Variants in SIRT1 observed in about 807,000 individuals in gnomAD.
SIRT1 encodes NAD-dependent protein deacetylase sirtuin-1.
SIRT1 carries 24 observed loss-of-function variants against 67.9 expected under a neutral mutation model. That is an observed-to-expected ratio of 0.35 (90% CI 0.26 to 0.50). The LOEUF (loss-of-function observed/expected upper bound fraction) is 0.50, where lower values mean the gene tolerates loss of function less well. SIRT1 is among the 20% of genes least tolerant of loss of function. The pLI, the probability that SIRT1 is intolerant of heterozygous loss-of-function variation, is 0.98. For synonymous variants in SIRT1, 378 were observed against 350.7 expected (o/e 1.08, Z -0.87); for missense variants, 873 against 937.2 (o/e 0.93, Z 0.89).
At chr10:67,899,140 G>A (rs34071962) in intron 4 of SIRT1, among the ~76,000 whole-genome samples, 5 of 151,782 alleles carry the variant, frequency 3.3e-5, no homozygotes, top group African/African-American at 1.2e-4. Flanking sequence ...TTGTCGTATT[G>A]CAGCTTGGAA....
Position 67,912,620 on chromosome 10 carries a change from T to C in SIRT1, c.1504T>C (p.Cys502Arg), listed in dbSNP as rs202116390. ...AGGTGGTGAATATGCCAAACTTTGC[T>C]GTAACCCTGTAAAGCTTTCAGAAAT... ...RLGGEYAKLC[C>R]NPVKLSEITE... is the part of the protein sequence containing the mutation. Residue 502 changes from cysteine (C) to arginine (R), a missense_variant, in exon 8 of 9, where the codon TGT (cysteine) becomes CGT (arginine). Physicochemically the swap from Cys to Arg is radical, Grantham distance 180. Around this residue, in one of 3 missense-constraint regions of SIRT1, gnomAD observed 295 missense variants for 294.5 expected, o/e 1.00. Coordinates refer to ENST00000212015, the MANE Select transcript of SIRT1 (RefSeq NM_012238.5). 5.0e-6 allele frequency: 8 copies of C among 1,614,178 alleles called. No individual in the cohort carries two copies. The highest frequency in any genetic ancestry group is 5.9e-6 in the Non-Finnish European group (7 of 1,180,038).
At chr10:67,915,895 AGAT>A (rs564085816) in intron 8 of SIRT1, among the ~76,000 whole-genome samples, 80 of 152,230 alleles carry the variant, frequency 5.3e-4, no homozygotes, top group Non-Finnish European at 1.0e-3. Context: ...TTCATATTCT[AGAT>A]GAGGAAATTG....
Position 67,916,321 on chromosome 10 carries a change from T to C in SIRT1, c.1972T>C (p.Tyr658His), listed in dbSNP as rs984395300. The C allele has an allele frequency of 1.9e-6, 3 of 1,613,456 alleles. No homozygotes were observed. In the African/African-American group the frequency reaches 4.0e-5, roughly 22 times the overall value. ...NRYIFHGAEV[Y>H]SDSEDDVLSS... is the part of the protein sequence containing the mutation. ...TTACATTTTCCATGGCGCTGAGGTA[T>C]ATTCAGACTCTGAAGATGACGTCTT... is the stretch of plus-strand genomic sequence containing the variant. Residue 658 changes from tyrosine to histidine, a missense_variant, in exon 9 of 9, where the codon TAT (tyrosine) becomes CAT (histidine). Transcript: ENST00000212015.
At chr10:67,909,606 C>T (rs975357764) in intron 7 of SIRT1, among the ~76,000 whole-genome samples, 164 bp downstream of exon 7, 2 of 151,976 alleles carry the variant, frequency 1.3e-5, no homozygotes, top group African/African-American at 4.8e-5. Context: ...ATGGAGTTTC[C>T]CTCTTGTTGC....
chr10:67,892,822 G>T (rs769983451), intron 4 of SIRT1, among the ~76,000 whole-genome samples: 4 of 152,142 alleles, frequency 2.6e-5, no homozygotes, highest in Non-Finnish European at 4.4e-5. Context: ...GGCTGGTGTT[G>T]AACTCCTGAC....
chr10:67,899,453 T>C (rs1356436274), intron 4 of SIRT1, among the ~76,000 whole-genome samples: 1 of 151,900 alleles, frequency 6.6e-6, no homozygotes, highest in African/African-American at 2.4e-5. Flanking sequence ...CCCTAATATC[T>C]GTCCTTAATG....
intron 4 of SIRT1, among the ~76,000 whole-genome samples, chr10:67,904,844 CAAAAAA>C (rs34104914): frequency 1.6e-5 from 2 of 127,310 alleles, no homozygotes; most frequent in East Asian, 3.3e-4. Flanking sequence ...AACTCTGTCT[CAAAAAA>C]AAAAAAAAAA....
chr10:67,914,879 ATTT>A (rs11309410), intron 8 of SIRT1, among the ~76,000 whole-genome samples: 45 of 120,340 alleles, frequency 3.7e-4, no homozygotes, highest in Admixed American at 7.5e-4. Context: ...ATGCTCAGCT[ATTT>A]TTTTTTTTTT....
At chr10:67,894,129 T>C (rs1842617511) in intron 4 of SIRT1, among the ~76,000 whole-genome samples, 2 of 152,182 alleles carry the variant, frequency 1.3e-5, no homozygotes, top group African/African-American at 4.8e-5. Context: ...CCACCCCATG[T>C]AACTTTTGTT....
At chr10:67,904,886 T>C (rs1842798375) in intron 4 of SIRT1, among the ~76,000 whole-genome samples, 1 of 150,254 alleles carries the variant, frequency 6.7e-6, no homozygotes, top group African/African-American at 2.4e-5. Flanking sequence ...AAAACAAAAA[T>C]GTCCCTTATG....
In SIRT1 at chr10:67,912,682, T is replaced by G. The variant is rs1439745371; in HGVS notation, c.1566T>G (p.Ala522=). The G allele has an allele frequency of 1.2e-6, 2 of 1,614,126 alleles. No homozygotes were observed. Among genetic ancestry groups the G allele is most frequent in the East Asian group, 4.5e-5 (2 of 44,870 alleles). ...CTCCACGAACACAAAAAGAATTGGC[T>G]TATTTGTCAGAGTTGCCACCCACAC... ...EKPPRTQKEL[A]YLSELPPTPL... Residue 522 remains alanine, a synonymous_variant, in exon 8 of 9, where the codon GCT becomes GCG. Transcript: ENST00000212015.
chr10:67,901,500 C>A (rs141708545), intron 4 of SIRT1, among the ~76,000 whole-genome samples: 244 of 152,234 alleles, frequency 1.6e-3, no homozygotes, highest in African/African-American at 5.7e-3. Flanking sequence ...TAAGGTAGGG[C>A]CTGGTAGTAA....
intron 8 of SIRT1, among the ~76,000 whole-genome samples, chr10:67,913,620 T>G (rs958256155): frequency 6.6e-6 from 1 of 152,196 alleles, no homozygotes. Flanking sequence ...ACATGCATAG[T>G]CTTTATCAAT....
chr10:67,887,637 C>T lies in SIRT1; in HGVS notation c.547+104C>T, dbSNP rs1233269978. 2.6e-5 allele frequency: 18 copies of T among 703,208 alleles called. No homozygotes were observed. In the East Asian group the frequency reaches 3.2e-4, roughly 12 times the overall value. The allele number at this position is 703,208 out of a possible 1,614,324, so 43.6% of individuals were successfully genotyped here. On this transcript the variant is annotated intron_variant, in intron 2 of 8. Coordinates refer to ENST00000212015, the MANE Select transcript of SIRT1 (RefSeq NM_012238.5). ...TGTTGCGGAGGCTGGAGTGCAATGG[C>T]GCGATCTCGGCTCACCGTACCCTCC...
intron 4 of SIRT1, among the ~76,000 whole-genome samples, chr10:67,903,098 G>A (rs1414661264): frequency 6.6e-6 from 1 of 151,884 alleles, no homozygotes; most frequent in Non-Finnish European, 1.5e-5. Flanking sequence ...CAAAAAAAAA[G>A]GTGGGTGTGA....
chr10:67,915,339 T>G (rs369575853), intron 8 of SIRT1, among the ~76,000 whole-genome samples: 2 of 152,222 alleles, frequency 1.3e-5, no homozygotes, highest in East Asian at 1.9e-4. Flanking sequence ...ATACTGTGAA[T>G]TCAAGGATAG....
chr10:67,901,962 A>AT (rs1313478585), intron 4 of SIRT1, among the ~76,000 whole-genome samples: 3 of 151,474 alleles, frequency 2.0e-5, no homozygotes, highest in African/African-American at 7.3e-5. Flanking sequence ...TACTCTTAAT[A>AT]ATTTTCAGGT....
intron 1 of SIRT1, among the ~76,000 whole-genome samples, 155 bp from the exon 2 acceptor site, chr10:67,887,262 C>G (rs1293855736): frequency 6.6e-6 from 1 of 152,128 alleles, no homozygotes; most frequent in East Asian, 1.9e-4. Context: ...GAAACTGTTC[C>G]AATGAACAGT....
At chr10:67,894,506 A>T (rs183496350) in intron 4 of SIRT1, among the ~76,000 whole-genome samples, 1 of 152,314 alleles carries the variant, frequency 6.6e-6, no homozygotes, top group East Asian at 1.9e-4. Context: ...GAGCTAGGAC[A>T]CTGGCATTTA....
Sources: allele counts gnomAD v4.1 joint callset (sites outside exome capture counted in the v4.1 genomes callset), GRCh38; gene constraint gnomAD v4.1.1; regional missense constraint gnomAD v4.1.1; transcripts MANE v1.5; gene names NCBI Gene and HGNC (gene_info 2026-07-23, HGNC 2026-07-21).